Variants in FER observed in about 807,000 individuals in gnomAD.
The protein encoded by FER is tyrosine-protein kinase Fer.
A neutral mutation model predicts 111.0 loss-of-function variants in FER; 63 were observed. The ratio of observed to expected loss-of-function variants is 0.57; its 90% CI spans 0.46 to 0.70. The LOEUF is 0.70. Ranked by LOEUF, FER falls within the 30% of genes least tolerant of loss-of-function variation. FER has a pLI of 0.00. For missense variants in FER, 914 were observed against 954.0 expected, an observed-to-expected ratio of 0.96 and a Z score of 0.55; for synonymous variants, 327 against 313.9, an observed-to-expected ratio of 1.04 and a Z score of -0.44.
At chr5:109,011,915 G>A (rs1766323943) in intron 13 of FER, among the ~76,000 whole-genome samples, 1 of 152,122 alleles carries the variant, frequency 6.6e-6, no homozygotes, top group African/African-American at 2.4e-5. Context: ...GTTTCTGACA[G>A]CCACTATGAA....
At chr5:109,105,144 G>A (rs1478203295) in intron 17 of FER, among the ~76,000 whole-genome samples, 4 of 151,954 alleles carry the variant, frequency 2.6e-5, no homozygotes, top group African/African-American at 9.7e-5. Context: ...TATTCTAGAA[G>A]AGATTGCCTT....
intron 13 of FER, among the ~76,000 whole-genome samples, chr5:109,013,870 T>A (rs1766662382): frequency 6.6e-6 from 1 of 151,836 alleles, no homozygotes; most frequent in African/African-American, 2.4e-5. Context: ...TTTGGCTGCA[T>A]AAATGTCTTC....
intron 13 of FER, among the ~76,000 whole-genome samples, chr5:108,985,540 C>T (rs1287003137): frequency 3.3e-5 from 5 of 151,966 alleles, no homozygotes; most frequent in African/African-American, 4.8e-5. Flanking sequence ...ACCCATTACC[C>T]GAGCAGTATA....
chr5:108,821,937 A>G (rs945121491), intron 3 of FER, among the ~76,000 whole-genome samples: 1 of 152,148 alleles, frequency 6.6e-6, no homozygotes, highest in Non-Finnish European at 1.5e-5. Context: ...CATGGTGTAC[A>G]TTAGATCTTC....
intron 13 of FER, among the ~76,000 whole-genome samples, chr5:108,965,437 A>G (rs1759680588): frequency 6.6e-6 from 1 of 152,250 alleles, no homozygotes; most frequent in African/African-American, 2.4e-5. Flanking sequence ...AATAATTAAC[A>G]GAAGGAAAAT....
chr5:109,052,271 T>C (rs1162630331), intron 16 of FER: 1 of 1,608,668 alleles, frequency 6.2e-7, no homozygotes, highest in Non-Finnish European at 8.5e-7. Context: ...TAGCAGACAT[T>C]TTCACAACCA....
At chr5:108,748,723 G>C (rs895111955) in intron 1 of FER, 1 of 152,292 alleles carries the variant, frequency 6.6e-6, no homozygotes, top group Non-Finnish European at 1.5e-5. Context: ...ACCCAGCCTA[G>C]GGCCCAAGTC....
intron 17 of FER, among the ~76,000 whole-genome samples, chr5:109,140,935 C>A (rs778773626): frequency 3.3e-5 from 5 of 152,148 alleles, no homozygotes; most frequent in Non-Finnish European, 7.3e-5. Flanking sequence ...GAGAAGTCTT[C>A]CAAGGTAAAA....
At chr5:108,933,819 C>T (rs966978787) in intron 10 of FER, among the ~76,000 whole-genome samples, 20 of 152,110 alleles carry the variant, frequency 1.3e-4, no homozygotes, top group African/African-American at 4.3e-4. Context: ...AGGTCCTTTG[C>T]ATCCCTTGTA....
At chr5:109,061,209 T>A (rs1479588519) in intron 16 of FER, among the ~76,000 whole-genome samples, 1 of 152,214 alleles carries the variant, frequency 6.6e-6, no homozygotes, top group Non-Finnish European at 1.5e-5. Flanking sequence ...TTCATTGTTA[T>A]GAAATTTTTT....
At chr5:108,924,246 G>C (rs1382562085) in intron 10 of FER, among the ~76,000 whole-genome samples, 1 of 151,312 alleles carries the variant, frequency 6.6e-6, no homozygotes, top group Non-Finnish European at 1.5e-5. Context: ...TGTAATCCCA[G>C]CTACTCAGGA....
At chr5:109,014,789 G>A (rs1766819523) in intron 13 of FER, 1 of 152,166 alleles carries the variant, frequency 6.6e-6, no homozygotes, top group South Asian at 2.1e-4. Context: ...CCTTGAAGAG[G>A]TCCATCACGT....
In FER at chr5:109,109,442, C is replaced by G. The variant is rs189235966; in HGVS notation, c.2048+8923C>G. 3.1e-3 allele frequency among the ~76,000 whole-genome samples: 474 copies of G among 152,140 alleles called. 4 individuals are homozygous for G. The highest frequency in any genetic ancestry group is 0.011 in the African/African-American group (451 of 41,518). ...GACATTGACTTTATTTTGTCCATTACTTAGTACTCAATACAGAGCTTCTAG... is the reference window on the plus strand; with the variant it reads ...GACATTGACTTTATTTTGTCCATTAGTTAGTACTCAATACAGAGCTTCTAG... On this transcript the variant is annotated intron_variant, in intron 17 of 19. Coordinates refer to ENST00000281092, the MANE Select transcript of FER (RefSeq NM_005246.4).
intron 9 of FER, among the ~76,000 whole-genome samples, chr5:108,888,735 A>G (rs28612304): frequency 0.23 from 34,145 of 151,730 alleles, 4,034 homozygotes; most frequent in African/African-American, 0.28. Context: ...ATTTTTTTCA[A>G]TAATTATTGA....
intron 13 of FER, among the ~76,000 whole-genome samples, chr5:109,028,441 CT>C (rs1239589221): frequency 1.3e-5 from 2 of 152,164 alleles, no homozygotes; most frequent in Non-Finnish European, 1.5e-5. Context: ...GCATCATTAT[CT>C]CTGAACTTGA....
intron 10 of FER, among the ~76,000 whole-genome samples, chr5:108,940,086 C>A (rs569415281): frequency 3.4e-4 from 51 of 152,056 alleles, no homozygotes; most frequent in Middle Eastern, 3.4e-3. Flanking sequence ...AAAACAAAAC[C>A]AAACCAAACC....
chr5:109,020,514 G>C (rs1767781443), intron 13 of FER, among the ~76,000 whole-genome samples: 1 of 151,962 alleles, frequency 6.6e-6, no homozygotes, highest in Admixed American at 6.6e-5. Context: ...GATTGAGGAA[G>C]AAAATAAGCC....
intron 10 of FER, among the ~76,000 whole-genome samples, chr5:108,929,842 C>T (rs368896922): frequency 4.6e-5 from 7 of 152,216 alleles, no homozygotes; most frequent in African/African-American, 1.4e-4. Context: ...CTTGAGTCAT[C>T]AAGAGAAAGT....
chr5:108,760,273 A>G (rs551001132), intron 1 of FER, among the ~76,000 whole-genome samples: 1 of 151,704 alleles, frequency 6.6e-6, no homozygotes, highest in East Asian at 1.9e-4. Context: ...TTCCTATAGC[A>G]CAAGCAGAGT....
Sources: gnomAD v4.1 joint callset for allele counts (sites outside exome capture counted in the v4.1 genomes callset) on GRCh38, gnomAD v4.1.1 for gene constraint, MANE v1.5 for transcripts, NCBI Gene and HGNC (gene_info 2026-07-23, HGNC 2026-07-21) for gene names.